Variants in YTHDF2 observed in about 807,000 individuals in gnomAD.
YTHDF2 encodes the protein YTH domain-containing family protein 2.
Under a neutral mutation model 50.4 loss-of-function variants are expected in YTHDF2, and 2 were observed. The observed-to-expected ratio is 0.04, with a 90% CI of 0.02 to 0.12. The LOEUF (loss-of-function observed/expected upper bound fraction) is 0.12. Among genes scored for constraint, YTHDF2 ranks in the 10% least tolerant of loss-of-function variants. The probability of loss-of-function intolerance (pLI) is 1.00; values close to 1 mark genes in which losing one functional copy is unlikely to be tolerated. For synonymous variants in YTHDF2, 217 were observed against 255.6 expected, an observed-to-expected ratio of 0.85 and a Z score of 1.44; for missense variants, 483 against 722.6, an observed-to-expected ratio of 0.67 and a Z score of 3.80.
chr1:28,763,168 C>T (rs1246870959), intron 4 of YTHDF2, among the ~76,000 whole-genome samples: 1 of 152,070 alleles, frequency 6.6e-6, no homozygotes. Context: ...GTGAGGAGGG[C>T]CTAAGGTGGA....
intron 4 of YTHDF2, among the ~76,000 whole-genome samples, chr1:28,754,924 C>T (rs2088013184): frequency 7.0e-6 from 1 of 141,938 alleles, no homozygotes; most frequent in Admixed American, 7.3e-5. Context: ...TTACAGTGAG[C>T]CGAGATCGCA....
At chr1:28,748,127 C>CA (rs1333197193) in intron 4 of YTHDF2, among the ~76,000 whole-genome samples, 8,934 of 126,706 alleles carry the variant, frequency 0.071, 819 homozygotes, top group African/African-American at 0.23. Flanking sequence ...GACTCCATCT[C>CA]AAAAAAAAAA....
chr1:28,752,213 G>T (rs1473517087), intron 4 of YTHDF2, among the ~76,000 whole-genome samples: 1 of 152,168 alleles, frequency 6.6e-6, no homozygotes, highest in African/African-American at 2.4e-5. Context: ...TACTCTTGAG[G>T]TTATTTACAG....
chr1:28,749,237 G>A (rs1294657646), intron 4 of YTHDF2, among the ~76,000 whole-genome samples: 4 of 149,166 alleles, frequency 2.7e-5, no homozygotes, highest in African/African-American at 1.0e-4. Flanking sequence ...TGTCGTCCAG[G>A]CGGGAGTGCA....
intron 4 of YTHDF2, 132 bp downstream of exon 4, chr1:28,744,118 T>C (rs2087820789): frequency 9.9e-7 from 1 of 1,007,460 alleles, no homozygotes; most frequent in Non-Finnish European, 1.4e-6. Flanking sequence ...CAAGGCTTTA[T>C]AGAAGTATAA....
At chr1:28,742,047 C>CTTTTTTTT (rs67430325) in intron 3 of YTHDF2, among the ~76,000 whole-genome samples, 1 of 143,392 alleles carries the variant, frequency 7.0e-6, no homozygotes, top group Non-Finnish European at 1.5e-5. Flanking sequence ...GTGCTGCACA[C>CTTTTTTTT]TTTTTTTTTT....
chr1:28,737,256 C>T (rs1354971162), intron 1 of YTHDF2, 109 bp downstream of exon 1: 11 of 1,408,330 alleles, frequency 7.8e-6, no homozygotes, highest in East Asian at 2.9e-5. Flanking sequence ...GGCGTCGTCT[C>T]TTGCGGGCCA....
Position 28,769,649 on chromosome 1 carries a change from A to G in YTHDF2, c.*697A>G, listed in dbSNP as rs1355296121. 6.5e-6 allele frequency: 1 copy of G among 152,672 alleles called. No homozygotes were observed. The highest frequency in any genetic ancestry group is 1.5e-5 in the Non-Finnish European group (1 of 68,040). 9.5% of individuals were successfully genotyped at this position (152,672 alleles called of 1,614,324 possible). The stretch of plus-strand genomic sequence containing the variant: ...CGTTTACAGAAATGCATTTTGGAAG[A>G]GAAAAATACTGTAAAACGTGTCGTG... On this transcript the variant is annotated 3_prime_UTR_variant, in exon 5 of 5. Coordinates refer to ENST00000373812, the MANE Select transcript of YTHDF2 (RefSeq NM_016258.3).
At chr1:28,748,140 C>T (rs572901973) in intron 4 of YTHDF2, among the ~76,000 whole-genome samples, 137 of 149,008 alleles carry the variant, frequency 9.2e-4, no homozygotes, top group African/African-American at 3.3e-3. Context: ...AAAAAAAAAA[C>T]CAAAAAAAAG....
In YTHDF2 at chr1:28,751,090, CAAAAAAA is replaced by C. The variant is rs56916547; in HGVS notation, c.1716+7118_1716+7124del. Among the ~76,000 whole-genome samples, 7 of 33,768 alleles carry C rather than the reference CAAAAAAA, an allele frequency of 2.1e-4. 1 individual carries two copies. Among genetic ancestry groups the C allele is most frequent in the African/African-American group, 7.9e-4 (5 of 6,354 alleles). The allele number at this position is 33,768 out of a possible 152,430, so 22.2% of individuals were successfully genotyped here. ...CCTTTGTGACAGAGCGAGACTGTCTCAAAAAAAAAAAAAAAAAAAAGGCTGGGCGTGG... is the reference window on the plus strand; with the variant it reads ...CCTTTGTGACAGAGCGAGACTGTCTCAAAAAAAAAAAAAGGCTGGGCGTGG... On this transcript the variant is annotated intron_variant, in intron 4 of 4. Coordinates refer to ENST00000373812, the MANE Select transcript of YTHDF2 (RefSeq NM_016258.3).
rs1462392686 is a variant in YTHDF2 at position 28,747,953 on chromosome 1, G to A, written c.1716+3967G>A. Among the ~76,000 whole-genome samples the A allele has an allele frequency of 3.3e-5, 5 of 151,056 alleles. No individual in the cohort carries two copies. The South Asian group carries it at 8.4e-4, about 25-fold the overall frequency. On this transcript the variant is annotated intron_variant, in intron 4 of 4. Transcript: ENST00000373812. The stretch of plus-strand genomic sequence containing the variant: ...ATCCTGGCTAACATGGTGAAACCCC[G>A]TCTCTATTAAATAAACTACAAAAAA...
At position 28,737,691 on chromosome 1, in the gene YTHDF2, C is replaced by G. The variant is rs1426936768; in HGVS notation, c.52+9C>G. 1.7e-5 allele frequency: 28 copies of G among 1,613,526 alleles called. No individual in the cohort carries two copies. The highest frequency in any genetic ancestry group is 2.3e-5 in the Non-Finnish European group (27 of 1,179,778). ...AGGTCAAGGAAACAAAGGTAAGTCC[C>G]GCTCCGCCGGTGGCCCTGAGCCGGG... On this transcript the variant is annotated intron_variant, in intron 2 of 4. Transcript: ENST00000373812.
intron 4 of YTHDF2, 50 bp downstream of exon 4, chr1:28,744,036 G>C: frequency 6.7e-7 from 1 of 1,492,382 alleles, no homozygotes; most frequent in Non-Finnish European, 8.9e-7. Context: ...GAACCAGAGA[G>C]AACAGAAGAG....
chr1:28,756,737 T>C (rs1256371267), intron 4 of YTHDF2, among the ~76,000 whole-genome samples: 1 of 152,074 alleles, frequency 6.6e-6, no homozygotes, highest in Non-Finnish European at 1.5e-5. Context: ...TTTGGAGGGA[T>C]GAGGAAGAGT....
intron 3 of YTHDF2, 66 bp from the exon 4 acceptor site, chr1:28,742,334 AGGT>A (rs2087789636): frequency 1.3e-6 from 2 of 1,503,022 alleles, no homozygotes; most frequent in East Asian, 4.5e-5. Context: ...TTGCGTGACT[AGGT>A]GGGGGGAGGA....
At chr1:28,768,032 C>T (rs1178609087) in intron 4 of YTHDF2, among the ~76,000 whole-genome samples, 1 of 151,526 alleles carries the variant, frequency 6.6e-6, no homozygotes, top group African/African-American at 2.4e-5. Flanking sequence ...GAAACCCCGT[C>T]TCTACTAAAA....
rs749109106 is a variant in YTHDF2, at chr1:28,768,925, G to T, written c.1717-4G>T. 7 of 1,591,416 alleles carry T rather than the reference G, an allele frequency of 4.4e-6. No homozygotes were observed. The African/African-American group carries it at 8.1e-5, about 18-fold the overall frequency. On this transcript the variant is annotated splice_region_variant and splice_polypyrimidine_tract_variant and intron_variant, in intron 4 of 4. Coordinates refer to ENST00000373812, the MANE Select transcript of YTHDF2 (RefSeq NM_016258.3). ...CCATTTCAATTTTTTTCTTACCTCT[G>T]TAGGAACGTCAAGGTCGTGGGAAAT...
At chr1:28,750,270 T>C (rs1019187460) in intron 4 of YTHDF2, among the ~76,000 whole-genome samples, 2 of 152,110 alleles carry the variant, frequency 1.3e-5, no homozygotes, top group Non-Finnish European at 2.9e-5. Flanking sequence ...TTTACAGGCA[T>C]GAGCCACCAT....
chr1:28,752,716 C>T (rs767756268), intron 4 of YTHDF2, among the ~76,000 whole-genome samples: 6 of 152,048 alleles, frequency 3.9e-5, no homozygotes, highest in Non-Finnish European at 5.9e-5. Flanking sequence ...ATTTGTGTGT[C>T]ACGACTGTAG....
Sources: gnomAD v4.1 joint callset for allele counts (sites outside exome capture counted in the v4.1 genomes callset) on GRCh38, gnomAD v4.1.1 for gene constraint, MANE v1.5 for transcripts, NCBI Gene and HGNC (gene_info 2026-07-23, HGNC 2026-07-21) for gene names.